CTNNA2: variants seen among roughly 807,000 people sequenced by gnomAD.
CTNNA2 encodes the protein catenin alpha-2.
In CTNNA2, 42 loss-of-function variants were observed where a neutral mutation model predicts 101.0. The ratio of observed to expected loss-of-function variants is 0.42; its 90% CI spans 0.32 to 0.54. The LOEUF is 0.54. CTNNA2 is among the 20% of genes least tolerant of loss of function. CTNNA2 has a pLI of 0.14. For synonymous variants in CTNNA2, 450 were observed against 456.4 expected (o/e 0.99, Z 0.18); for missense variants, 871 against 1,223.1 (o/e 0.71, Z 4.29).
At chr2:80,323,608 G>A (rs1025864963) in intron 7 of CTNNA2, among the ~76,000 whole-genome samples, 2 of 151,712 alleles carry the variant, frequency 1.3e-5, no homozygotes, top group Admixed American at 6.6e-5. Context: ...CTTTCTCTCT[G>A]TACTTTCATC....
chr2:79,495,233 A>G (rs528138214), intron 4 of CTNNA2, among the ~76,000 whole-genome samples: 2 of 152,370 alleles, frequency 1.3e-5, no homozygotes, highest in South Asian at 4.1e-4. Context: ...CTGATACAGA[A>G]TTATATACAG....
chr2:79,195,064 T>A (rs1421116018), intron 1 of CTNNA2, among the ~76,000 whole-genome samples: 1 of 152,100 alleles, frequency 6.6e-6, no homozygotes, highest in African/African-American at 2.4e-5. Context: ...AGTATTCAGG[T>A]GCTTTCTTTG....
At chr2:79,873,217 T>G (rs1682721388) in intron 5 of CTNNA2, among the ~76,000 whole-genome samples, 2 of 152,164 alleles carry the variant, frequency 1.3e-5, no homozygotes, top group Admixed American at 1.3e-4. Flanking sequence ...CTCAGAAGAC[T>G]GACGTTTTCA....
intron 9 of CTNNA2, among the ~76,000 whole-genome samples, chr2:80,501,386 C>T (rs1687868864): frequency 6.6e-6 from 1 of 152,188 alleles, no homozygotes; most frequent in African/African-American, 2.4e-5. Context: ...CATTGTATTA[C>T]TAACAAATCC....
chr2:80,144,531 C>A (rs990755706), intron 7 of CTNNA2, among the ~76,000 whole-genome samples: 5 of 152,192 alleles, frequency 3.3e-5, no homozygotes, highest in Non-Finnish European at 5.9e-5. Context: ...CTTCCTAAGT[C>A]ATCACTGGAA....
Position 79,323,595 on chromosome 2 carries a change from T to C in CTNNA2, c.-318+10799T>C, listed in dbSNP as rs76521285. Among the ~76,000 whole-genome samples the C allele has an allele frequency of 2.6e-3, 394 of 152,320 alleles. 9 individuals carry two copies. The East Asian group carries it at 0.063, about 24-fold the overall frequency. ...ACAGATCCACAATTTTTTTCTGGCATGTTACCTTCTTCATGTTGCCACAAG... is the reference window on the plus strand; with the variant it reads ...ACAGATCCACAATTTTTTTCTGGCACGTTACCTTCTTCATGTTGCCACAAG... On this transcript the variant is annotated intron_variant, in intron 3 of 21. Coordinates refer to the CTNNA2 transcript ENST00000466387.
chr2:80,027,657 G>C (rs1658166881), intron 7 of CTNNA2, among the ~76,000 whole-genome samples: 1 of 152,090 alleles, frequency 6.6e-6, no homozygotes, highest in African/African-American at 2.4e-5. Flanking sequence ...AGTACCATTA[G>C]CCGTATAAAT....
At chr2:80,517,062 T>C (rs891183207) in intron 9 of CTNNA2, among the ~76,000 whole-genome samples, 3 of 152,142 alleles carry the variant, frequency 2.0e-5, no homozygotes, top group African/African-American at 7.2e-5. Flanking sequence ...GGAAGGCAAC[T>C]TGGTGCTGCA....
intron 7 of CTNNA2, among the ~76,000 whole-genome samples, chr2:80,274,775 A>C (rs1338306786): frequency 1.3e-5 from 2 of 152,072 alleles, no homozygotes; most frequent in African/African-American, 4.8e-5. Flanking sequence ...TTGCCTGGAG[A>C]AGTTCTCAGC....
chr2:79,729,168 C>T (rs1224680652), intron 2 of CTNNA2, among the ~76,000 whole-genome samples: 5 of 152,098 alleles, frequency 3.3e-5, no homozygotes, highest in African/African-American at 4.8e-5. Flanking sequence ...TTTTATACAG[C>T]GAATAAGTGG....
intron 1 of CTNNA2, among the ~76,000 whole-genome samples, chr2:79,555,381 C>A (rs920334949): frequency 3.9e-5 from 6 of 152,086 alleles, no homozygotes; most frequent in African/African-American, 1.4e-4. Context: ...ACTGGCATCA[C>A]TTTAAGGAAT....
At chr2:80,510,811 C>T (rs1329325499) in intron 9 of CTNNA2, among the ~76,000 whole-genome samples, 1 of 152,186 alleles carries the variant, frequency 6.6e-6, no homozygotes, top group Non-Finnish European at 1.5e-5. Flanking sequence ...CTGGAATAGA[C>T]TGACTTCTGC....
intron 4 of CTNNA2, among the ~76,000 whole-genome samples, chr2:79,477,241 G>T (rs1487639468): frequency 2.7e-5 from 4 of 147,128 alleles, no homozygotes. Context: ...CGCAATCTCA[G>T]CTCACTGCAA....
At chr2:79,473,554 G>A (rs1214579304) in intron 4 of CTNNA2, among the ~76,000 whole-genome samples, 2 of 152,076 alleles carry the variant, frequency 1.3e-5, no homozygotes, top group African/African-American at 4.8e-5. Flanking sequence ...AATAATTATA[G>A]CGTATTCACA....
In CTNNA2 at chr2:80,581,770, C is replaced by T; in HGVS notation, c.1958C>T (p.Thr653Ile). The change falls in exon 14 of 19, where the codon ACA becomes ATA. Residue 653 changes from threonine (T) to isoleucine (I), a missense_variant. By Grantham distance (89) the Thr-to-Ile change is moderately conservative (BLOSUM62 -1). Around this residue, in one of 5 missense-constraint regions of CTNNA2, gnomAD observed 93 missense variants for 223.7 expected, o/e 0.42. Coordinates refer to ENST00000402739, the MANE Select transcript of CTNNA2 (RefSeq NM_001282597.3). ...GAAGATTATGATGTGCGTAGCAGGA[C>T]AAGTGTTCAGACTGAGGATGACCAG... The part of the protein sequence containing the change: ...EQEDYDVRSR[T>I]SVQTEDDQLI... 1 of 1,613,290 alleles carries T rather than the reference C, an allele frequency of 6.2e-7. No individual in the cohort carries two copies. The highest frequency in any genetic ancestry group is 2.2e-5 in the East Asian group (1 of 44,868).
intron 2 of CTNNA2, among the ~76,000 whole-genome samples, chr2:79,244,712 C>G (rs1674677507): frequency 6.6e-6 from 1 of 152,174 alleles, no homozygotes; most frequent in East Asian, 1.9e-4. Context: ...GCAGCTATAG[C>G]AGAGCTCATT....
At chr2:80,323,271 C>T (rs952984379) in intron 7 of CTNNA2, among the ~76,000 whole-genome samples, 5 of 152,194 alleles carry the variant, frequency 3.3e-5, no homozygotes, top group African/African-American at 4.8e-5. Context: ...TAATAGGGCT[C>T]CGAACAGGCC....
At chr2:79,212,125 G>C (rs1284056425) in intron 2 of CTNNA2, among the ~76,000 whole-genome samples, 2 of 152,202 alleles carry the variant, frequency 1.3e-5, no homozygotes, top group African/African-American at 2.4e-5. Flanking sequence ...TGCCAGCAAA[G>C]ATTATTTATT....
intron 7 of CTNNA2, among the ~76,000 whole-genome samples, chr2:79,914,518 C>G (rs138298195): frequency 1.1e-3 from 166 of 152,224 alleles, no homozygotes; most frequent in African/African-American, 3.6e-3. Flanking sequence ...GTGCCTGGTC[C>G]TTGTTGTGTC....
Sources: gnomAD v4.1 joint callset for allele counts (sites outside exome capture counted in the v4.1 genomes callset) on GRCh38, gnomAD v4.1.1 for gene constraint, gnomAD v4.1.1 regional missense constraint, MANE v1.5 for transcripts, NCBI Gene and HGNC (gene_info 2026-07-23, HGNC 2026-07-21) for gene names.